The following HMCN1 variants were observed in gnomAD, a reference collection of about 807,000 sequenced individuals.
The protein encoded by HMCN1 is hemicentin 1, also known as hemicentin-1.
In HMCN1, 321 loss-of-function variants were observed where a neutral mutation model predicts 625.9. That is an observed-to-expected ratio of 0.51 (90% CI 0.47 to 0.56). The LOEUF (loss-of-function observed/expected upper bound fraction) is 0.56, where lower values mean the gene tolerates loss of function less well. Ranked by LOEUF, HMCN1 falls within the 20% of genes least tolerant of loss-of-function variation. HMCN1 has a pLI of 0.00. For missense variants in HMCN1, 6,588 were observed against 6,887.3 expected (o/e 0.96, Z 1.54); for synonymous variants, 2,425 against 2,417.6 (o/e 1.00, Z -0.09).
At chr1:185,912,597 C>G (rs1666484241) in intron 6 of HMCN1, among the ~76,000 whole-genome samples, 1 of 151,798 alleles carries the variant, frequency 6.6e-6, no homozygotes, top group Non-Finnish European at 1.5e-5. Flanking sequence ...AGTGTACTTC[C>G]CAATCTAGTA....
At chr1:186,094,466 A>G (rs1660020050) in intron 67 of HMCN1, 93 bp downstream of exon 67, 1 of 892,856 alleles carries the variant, frequency 1.1e-6, no homozygotes, top group South Asian at 1.4e-5. Flanking sequence ...GAGATTTAGA[A>G]ATCTGACTTT....
At chr1:186,165,039 G>T (rs960727608) in intron 97 of HMCN1, 72 bp from the exon 98 acceptor site, 20 of 1,265,428 alleles carry the variant, frequency 1.6e-5, no homozygotes, top group Non-Finnish European at 2.2e-5. Flanking sequence ...TCCCAGGGAA[G>T]ATGGTACTGG....
intron 36 of HMCN1, 120 bp downstream of exon 36, chr1:186,023,273 TA>T (rs902415883): frequency 5.2e-5 from 43 of 819,622 alleles, no homozygotes; most frequent in African/African-American, 9.0e-5. Context: ...TTAGTCTGTA[TA>T]AAAAAAACCT....
chr1:185,848,572 C>CT (rs1483218224), intron 2 of HMCN1, among the ~76,000 whole-genome samples: 1 of 152,102 alleles, frequency 6.6e-6, no homozygotes, highest in Non-Finnish European at 1.5e-5. Context: ...GCCTTGACCT[C>CT]TTTCCTGAGG....
intron 1 of HMCN1, among the ~76,000 whole-genome samples, chr1:185,752,739 T>A (rs980795072): frequency 2.3e-4 from 35 of 152,188 alleles, no homozygotes; most frequent in Non-Finnish European, 1.0e-4. Flanking sequence ...CCCAGATGAT[T>A]TCTCAGAAGA....
intron 2 of HMCN1, among the ~76,000 whole-genome samples, chr1:185,849,811 AT>A (rs1022254387): frequency 1.3e-5 from 2 of 151,760 alleles, no homozygotes; most frequent in Admixed American, 6.6e-5. Flanking sequence ...CTGTTACTGG[AT>A]TTTTTTTGAC....
At chr1:185,978,646 C>T (rs1651396217) in intron 16 of HMCN1, among the ~76,000 whole-genome samples, 1 of 151,972 alleles carries the variant, frequency 6.6e-6, no homozygotes, top group African/African-American at 2.4e-5. Context: ...AGCTTTTAAT[C>T]AGTTACTGCT....
intron 36 of HMCN1, among the ~76,000 whole-genome samples, chr1:186,025,163 CT>C (rs1399747936): frequency 6.6e-6 from 1 of 151,898 alleles, no homozygotes; most frequent in African/African-American, 2.4e-5. Context: ...GTTCGTACTC[CT>C]AGGAGAATCT....
intron 53 of HMCN1, 41 bp from the exon 54 acceptor site, chr1:186,076,387 G>A: frequency 2.6e-6 from 4 of 1,558,372 alleles, no homozygotes; most frequent in Middle Eastern, 1.7e-4. Context: ...CTTTGTTTAA[G>A]CATTTATATG....
chr1:185,938,266 T>C (rs933137818), intron 11 of HMCN1, among the ~76,000 whole-genome samples: 5 of 152,126 alleles, frequency 3.3e-5, no homozygotes, highest in African/African-American at 1.2e-4. Flanking sequence ...TTAACCAAGG[T>C]AAATGAAGGG....
intron 40 of HMCN1, among the ~76,000 whole-genome samples, chr1:186,045,028 T>G: frequency 6.6e-6 from 1 of 152,028 alleles, no homozygotes; most frequent in South Asian, 2.1e-4. Context: ...CTCATTCCTC[T>G]TCTTATGTAA....
At chr1:186,115,459 G>T (rs1323417328) in intron 75 of HMCN1, 45 bp downstream of exon 75, 10 of 1,542,338 alleles carry the variant, frequency 6.5e-6, no homozygotes, top group Non-Finnish European at 8.9e-6. Context: ...CAAACAGTTT[G>T]TAATGAATCA....
chr1:185,960,750 T>C (rs1421816886), intron 11 of HMCN1, among the ~76,000 whole-genome samples: 3 of 152,240 alleles, frequency 2.0e-5, no homozygotes, highest in Non-Finnish European at 4.4e-5. Context: ...AGCAATTCCA[T>C]GTCAATAGCT....
chr1:185,739,694 G>T (rs1306934610), intron 1 of HMCN1, among the ~76,000 whole-genome samples: 1 of 152,154 alleles, frequency 6.6e-6, no homozygotes, highest in Non-Finnish European at 1.5e-5. Flanking sequence ...ACAGATAAAA[G>T]CGCCTGCATT....
chr1:186,025,744 A>T (rs1395596455), intron 36 of HMCN1, among the ~76,000 whole-genome samples: 1 of 152,188 alleles, frequency 6.6e-6, no homozygotes, highest in African/African-American at 2.4e-5. Flanking sequence ...ATCAAAGAGA[A>T]GGGGGCAGAC....
At chr1:185,957,888 C>A (rs572778760) in intron 11 of HMCN1, among the ~76,000 whole-genome samples, 11 of 150,428 alleles carry the variant, frequency 7.3e-5, no homozygotes, top group African/African-American at 2.5e-4. Context: ...TAACCACATG[C>A]TCATTATATT....
chr1:185,858,641 G>T (rs1212270289), intron 2 of HMCN1, among the ~76,000 whole-genome samples: 2 of 91,176 alleles, frequency 2.2e-5, no homozygotes, highest in Non-Finnish European at 4.1e-5. Context: ...TTTAGAGACG[G>T]GGATTTCCTC....
At chr1:185,906,944 C>T (rs1304768704) in intron 4 of HMCN1, among the ~76,000 whole-genome samples, 1 of 147,074 alleles carries the variant, frequency 6.8e-6, no homozygotes, top group African/African-American at 2.6e-5. Flanking sequence ...CAACAACAAT[C>T]CTTTCTATTT....
Position 186,095,226 on chromosome 1 carries a change from T to C in HMCN1, c.10295-17T>C. On this transcript the variant is annotated splice_polypyrimidine_tract_variant and intron_variant, in intron 67 of 106. Coordinates refer to ENST00000271588, the MANE Select transcript of HMCN1 (RefSeq NM_031935.3). ...ACAATAGACATCCAAATTTTGCCCATGTTGTTTTCTATGTAGCACCACCAA... is the reference window on the plus strand; with the variant it reads ...ACAATAGACATCCAAATTTTGCCCACGTTGTTTTCTATGTAGCACCACCAA... The C allele has an allele frequency of 5.0e-6, 8 of 1,613,498 alleles. No individual in the cohort carries two copies. The highest frequency in any genetic ancestry group is 6.8e-6 in the Non-Finnish European group (8 of 1,179,614).
Sources: gnomAD v4.1 joint callset for allele counts (sites outside exome capture counted in the v4.1 genomes callset) on GRCh38, gnomAD v4.1.1 for gene constraint, MANE v1.5 for transcripts, NCBI Gene and HGNC (gene_info 2026-07-23, HGNC 2026-07-21) for gene names.